CHCHD3: variants seen among roughly 807,000 people sequenced by gnomAD.
The protein encoded by CHCHD3 is MICOS complex subunit MIC19.
CHCHD3 carries 20 observed loss-of-function variants against 38.2 expected under a neutral mutation model. That is an observed-to-expected ratio of 0.52 (90% CI 0.37 to 0.76). The LOEUF (loss-of-function observed/expected upper bound fraction) is 0.76. Among genes scored for constraint, CHCHD3 ranks in the 30% least tolerant of loss-of-function variants. The pLI is 0.00. For synonymous variants in CHCHD3, 82 were observed against 100.0 expected, an observed-to-expected ratio of 0.82 and a Z score of 1.07; for missense variants, 245 against 279.2, an observed-to-expected ratio of 0.88 and a Z score of 0.87.
chr7:132,907,796 G>T (rs1000548354), intron 4 of CHCHD3, among the ~76,000 whole-genome samples: 4 of 152,146 alleles, frequency 2.6e-5, no homozygotes, highest in Non-Finnish European at 5.9e-5. Context: ...CTGTTGAAAG[G>T]ATCCAAGTGT....
chr7:132,906,556 G>A (rs916445744), intron 4 of CHCHD3, among the ~76,000 whole-genome samples: 7 of 151,994 alleles, frequency 4.6e-5, no homozygotes, highest in African/African-American at 1.2e-4. Context: ...AACCAAACAC[G>A]GTGCCCCTGC....
intron 4 of CHCHD3, among the ~76,000 whole-genome samples, chr7:132,922,591 G>C (rs1332104504): frequency 2.0e-5 from 3 of 151,254 alleles, no homozygotes; most frequent in African/African-American, 7.3e-5. Context: ...CTTACTAGCA[G>C]ATACTACTGA....
chr7:132,902,854 T>G (rs1323121951), intron 4 of CHCHD3, among the ~76,000 whole-genome samples: 1 of 152,182 alleles, frequency 6.6e-6, no homozygotes, highest in Non-Finnish European at 1.5e-5. Flanking sequence ...AGACTTAGCT[T>G]GTTCACATCA....
At chr7:132,960,132 C>T (rs897117112) in intron 4 of CHCHD3, among the ~76,000 whole-genome samples, 1 of 152,020 alleles carries the variant, frequency 6.6e-6, no homozygotes, top group Admixed American at 6.6e-5. Context: ...TATTTTAATC[C>T]ACCGCATGCA....
At chr7:132,828,939 G>C (rs1807572744) in intron 6 of CHCHD3, among the ~76,000 whole-genome samples, 1 of 152,056 alleles carries the variant, frequency 6.6e-6, no homozygotes, top group Non-Finnish European at 1.5e-5. Flanking sequence ...TCTGACATAA[G>C]GACAGAATTT....
intron 4 of CHCHD3, among the ~76,000 whole-genome samples, chr7:132,966,554 GTA>G (rs1261963351): frequency 2.0e-5 from 3 of 152,130 alleles, no homozygotes; most frequent in African/African-American, 7.2e-5. Context: ...ATTGCACATG[GTA>G]TATCACATAG....
rs532598386 is a variant in CHCHD3, at chr7:133,058,616, T to C, written c.169+11526A>G. Among the ~76,000 whole-genome samples the C allele has an allele frequency of 1.8e-4, 27 of 152,368 alleles. 1 individual carries two copies. The South Asian group carries it at 2.1e-3, about 12-fold the overall frequency. On this transcript the variant is annotated intron_variant, in intron 2 of 7. Coordinates refer to ENST00000262570, the MANE Select transcript of CHCHD3 (RefSeq NM_017812.4). ...TTATCCTGATTTTAATAACTGATTT[T>C]CATTTCATTCCTCAGATCCATTCTC...
At chr7:133,005,729 A>C (rs1392923501) in intron 3 of CHCHD3, among the ~76,000 whole-genome samples, 2 of 152,238 alleles carry the variant, frequency 1.3e-5, no homozygotes, top group Non-Finnish European at 2.9e-5. Flanking sequence ...AGTATCTACT[A>C]TATAGAGGGT....
intron 4 of CHCHD3, among the ~76,000 whole-genome samples, chr7:132,921,199 A>G (rs1162121679): frequency 6.6e-6 from 1 of 152,208 alleles, no homozygotes; most frequent in East Asian, 1.9e-4. Context: ...TTATGGCTCC[A>G]ATTTAAAAAA....
intron 2 of CHCHD3, among the ~76,000 whole-genome samples, chr7:133,055,605 ATAAT>A (rs746311690): frequency 3.5e-4 from 52 of 147,838 alleles, no homozygotes; most frequent in Middle Eastern, 3.7e-3. Context: ...ATATCAAATT[ATAAT>A]TAATTATAAC....
chr7:132,887,065 A>ACACAC, intron 4 of CHCHD3: 1 of 696,356 alleles, frequency 1.4e-6, no homozygotes, highest in Non-Finnish European at 2.0e-6. Context: ...ACACACACAC[A>ACACAC]AAATCTGATG....
chr7:132,832,300 T>A (rs1325360184), intron 6 of CHCHD3, among the ~76,000 whole-genome samples: 1 of 152,120 alleles, frequency 6.6e-6, no homozygotes, highest in Non-Finnish European at 1.5e-5. Context: ...TTCAACAACT[T>A]CATTCAGGGA....
chr7:132,941,564 C>T (rs996413992), intron 4 of CHCHD3, among the ~76,000 whole-genome samples: 3 of 152,176 alleles, frequency 2.0e-5, no homozygotes, highest in African/African-American at 7.2e-5. Context: ...TTCTCAAACC[C>T]TCCACGTTTA....
chr7:132,995,071 A>G (rs1004958356), intron 3 of CHCHD3, among the ~76,000 whole-genome samples: 3 of 152,224 alleles, frequency 2.0e-5, no homozygotes, highest in Admixed American at 2.0e-4. Context: ...TTAAAGCCAC[A>G]CTAAGCAGTA....
chr7:133,021,378 T>C (rs754404708), intron 3 of CHCHD3, among the ~76,000 whole-genome samples: 18 of 152,192 alleles, frequency 1.2e-4, no homozygotes, highest in Non-Finnish European at 2.6e-4. Flanking sequence ...CCTTATGGAA[T>C]GCTCATCATG....
At chr7:132,868,323 T>C (rs1167101511) in intron 5 of CHCHD3, among the ~76,000 whole-genome samples, 1 of 152,198 alleles carries the variant, frequency 6.6e-6, no homozygotes, top group Non-Finnish European at 1.5e-5. Flanking sequence ...TGAAAAGTTA[T>C]TGCTTGATGA....
At chr7:132,821,480 C>T (rs963932100) in intron 6 of CHCHD3, among the ~76,000 whole-genome samples, 13 of 151,856 alleles carry the variant, frequency 8.6e-5, no homozygotes, top group Admixed American at 5.9e-4. Context: ...GACATTATGG[C>T]GTGGAAAAAT....
At chr7:132,977,153 C>G (rs1266807001) in intron 3 of CHCHD3, among the ~76,000 whole-genome samples, 1 of 152,154 alleles carries the variant, frequency 6.6e-6, no homozygotes, top group Non-Finnish European at 1.5e-5. Context: ...AAGAGAACAG[C>G]AATAATTAGA....
rs988639169 is a variant in CHCHD3, at chr7:132,785,659, C to T, written c.662G>A (p.Ser221Asn). ...YMHCVNHAKQSMLEKGG is the reference protein window; with the variant it reads ...YMHCVNHAKQNMLEKGG ...TTTTTATCCTCCCTTCTCAAGCATG[C>T]TCTGCAAGAAAAACAGAAAGAGTAA... The change falls in exon 8 of 8, where the codon AGC becomes AAC. Residue 221 changes from serine to asparagine, a missense_variant and splice_region_variant. Physicochemically the swap from Ser to Asn is conservative, Grantham distance 46 (BLOSUM62 1). Transcript: ENST00000262570. The T allele has an allele frequency of 4.3e-6, 7 of 1,613,994 alleles. No homozygotes were observed. The highest frequency in any genetic ancestry group is 5.9e-6 in the Non-Finnish European group (7 of 1,179,976).
Sources: gnomAD v4.1 joint callset for allele counts (sites outside exome capture counted in the v4.1 genomes callset) on GRCh38, gnomAD v4.1.1 for gene constraint, MANE v1.5 for transcripts, NCBI Gene and HGNC (gene_info 2026-07-23, HGNC 2026-07-21) for gene names.